OLA1: variants seen among roughly 807,000 people sequenced by gnomAD.
The protein encoded by OLA1 is obg-like ATPase 1.
OLA1 carries 14 observed loss-of-function variants against 48.4 expected under a neutral mutation model. The observed-to-expected ratio is 0.29, with a 90% confidence interval of 0.19 to 0.45. The LOEUF (loss-of-function observed/expected upper bound fraction) is 0.45. Among genes scored for constraint, OLA1 ranks in the 20% least tolerant of loss-of-function variants. OLA1 has a pLI of 1.00. For synonymous variants in OLA1, 127 were observed against 150.4 expected, an observed-to-expected ratio of 0.84 and a Z score of 1.14; for missense variants, 325 against 467.1, an observed-to-expected ratio of 0.70 and a Z score of 2.80.
At position 174,102,103 on chromosome 2, in the gene OLA1, A is replaced by C. The variant is rs183542654; in HGVS notation, c.729-20039T>G. The stretch of plus-strand genomic sequence containing the variant: ...AAGAGGAGAAACTAAGGCTAGGTTT[A>C]TAAGTCATTAGCAGAGAGCAATCCT... On this transcript the variant is annotated intron_variant, in intron 7 of 10. Transcript: ENST00000284719. 1.7e-4 allele frequency among the ~76,000 whole-genome samples: 26 copies of C among 152,314 alleles called. No individual in the cohort carries two copies. In the East Asian group the frequency reaches 5.0e-3, roughly 29 times the overall value.
chr2:174,092,165 GA>G (rs1685142390), intron 7 of OLA1, among the ~76,000 whole-genome samples: 1 of 151,148 alleles, frequency 6.6e-6, no homozygotes, highest in African/African-American at 2.4e-5. Flanking sequence ...AAGAAAAAAG[GA>G]AAGGAGAGGA....
chr2:174,168,981 C>T (rs149054375), intron 4 of OLA1, among the ~76,000 whole-genome samples: 49 of 151,766 alleles, frequency 3.2e-4, no homozygotes, highest in African/African-American at 1.1e-3. Flanking sequence ...TGTTTTGAGA[C>T]GGAGTCTCGC....
In OLA1 at chr2:174,092,064, T is replaced by G. The variant is rs1315087600; in HGVS notation, c.729-10000A>C. ...ATCACTTGAACCTGGGAGGCGGAGG[T>G]TGCAGTGAGCCAAGATCATGCCTCT... On this transcript the variant is annotated intron_variant, in intron 7 of 10. Coordinates refer to ENST00000284719, the MANE Select transcript of OLA1 (RefSeq NM_013341.5). 2.7e-5 allele frequency among the ~76,000 whole-genome samples: 4 copies of G among 146,742 alleles called. No homozygotes were observed. In the Admixed American group the frequency reaches 2.8e-4, roughly 10 times the overall value.
At chr2:174,156,578 C>CTTTTTTT (rs5836451) in intron 4 of OLA1, among the ~76,000 whole-genome samples, 8 of 74,196 alleles carry the variant, frequency 1.1e-4, no homozygotes, top group East Asian at 1.1e-3. Context: ...CTCCCACACT[C>CTTTTTTT]TTTTTTTTTT....
rs951300347 is a variant in OLA1 at position 174,074,268 on chromosome 2, G to A, written c.*1158C>T. 3.0e-4 allele frequency: 45 copies of A among 152,246 alleles called. No homozygotes were observed. Among genetic ancestry groups the A allele is most frequent in the African/African-American group, 1.0e-3 (43 of 41,434 alleles). The allele number at this position is 152,246 out of a possible 1,614,324, so 9.4% of individuals were successfully genotyped here. ...CAAAAGGGCAGAGGACAAGGACAAGGAAGGGAGGTCTCACAGGAATGGAAA... is the reference window on the plus strand; with the variant it reads ...CAAAAGGGCAGAGGACAAGGACAAGAAAGGGAGGTCTCACAGGAATGGAAA... On this transcript the variant is annotated 3_prime_UTR_variant, in exon 11 of 11. Coordinates refer to ENST00000284719, the MANE Select transcript of OLA1 (RefSeq NM_013341.5).
chr2:174,109,826 T>C (rs1197403613), intron 7 of OLA1, among the ~76,000 whole-genome samples: 1 of 152,132 alleles, frequency 6.6e-6, no homozygotes. Flanking sequence ...TTAACAAAAT[T>C]TTTATTTTGG....
At chr2:174,168,394 A>C (rs1274964789) in intron 4 of OLA1, among the ~76,000 whole-genome samples, 3 of 152,094 alleles carry the variant, frequency 2.0e-5, no homozygotes, top group Non-Finnish European at 4.4e-5. Context: ...AAACCAAAAA[A>C]AAACAAAACA....
chr2:174,111,164 AAACCAAGGGCTATAAGGCAACT>A (rs1163247263), intron 7 of OLA1, among the ~76,000 whole-genome samples: 3 of 152,220 alleles, frequency 2.0e-5, no homozygotes, highest in African/African-American at 4.8e-5. Flanking sequence ...ACAGGTGAGG[AAACCAAGGGCTATAAGGCAACT>A]AACCAAACAT....
At chr2:174,227,911 T>C (rs1382118840) in intron 3 of OLA1, among the ~76,000 whole-genome samples, 3 of 152,204 alleles carry the variant, frequency 2.0e-5, no homozygotes, top group African/African-American at 7.2e-5. Context: ...GAGTTCAGTA[T>C]ATACTTTGTA....
chr2:174,173,914 A>G (rs1367441330), intron 4 of OLA1, among the ~76,000 whole-genome samples: 1 of 151,850 alleles, frequency 6.6e-6, no homozygotes, highest in East Asian at 1.9e-4. Context: ...AAATGCTAGA[A>G]AGACAAAAAT....
chr2:174,199,891 G>C lies in OLA1; in HGVS notation c.373+23142C>G. ...TTTTCTAACCACATATCTGAGGCCA[G>C]GTTTTCTTTATATACCTCAGCCAAA... On this transcript the variant is annotated intron_variant, in intron 4 of 10. Coordinates refer to ENST00000284719, the MANE Select transcript of OLA1 (RefSeq NM_013341.5). 1.3e-5 allele frequency among the ~76,000 whole-genome samples: 2 copies of C among 151,972 alleles called. 1 individual carries two copies. Among genetic ancestry groups the C allele is most frequent in the Middle Eastern group, 6.3e-3 (2 of 316 alleles).
At chr2:174,208,586 G>T (rs1445908815) in intron 4 of OLA1, among the ~76,000 whole-genome samples, 1 of 152,136 alleles carries the variant, frequency 6.6e-6, no homozygotes, top group Non-Finnish European at 1.5e-5. Flanking sequence ...TTTACCATGT[G>T]ATGGGAGCAA....
chr2:174,235,741 G>A (rs1479373449), intron 2 of OLA1, among the ~76,000 whole-genome samples: 1 of 152,180 alleles, frequency 6.6e-6, no homozygotes, highest in African/African-American at 2.4e-5. Context: ...CAGAGAAAAC[G>A]CTCTGAAGAG....
intron 7 of OLA1, among the ~76,000 whole-genome samples, chr2:174,105,441 T>A (rs1685492297): frequency 6.6e-6 from 1 of 151,978 alleles, no homozygotes. Flanking sequence ...TGAAAACAAA[T>A]ATAGTTTTTT....
At chr2:174,171,219 G>C (rs1687293740) in intron 4 of OLA1, among the ~76,000 whole-genome samples, 2 of 151,894 alleles carry the variant, frequency 1.3e-5, no homozygotes, top group Admixed American at 1.3e-4. Flanking sequence ...TAAATTAATG[G>C]AACTAGACAA....
intron 4 of OLA1, among the ~76,000 whole-genome samples, chr2:174,199,828 T>C (rs1687953030): frequency 1.3e-5 from 2 of 152,192 alleles, no homozygotes; most frequent in Admixed American, 1.3e-4. Flanking sequence ...AAGAAGAATA[T>C]TCACAATTAT....
chr2:174,082,192 T>C, intron 7 of OLA1, 128 bp from the exon 8 acceptor site: 1 of 1,003,166 alleles, frequency 1.0e-6, no homozygotes, highest in Non-Finnish European at 1.5e-6. Flanking sequence ...TTTTTGTATA[T>C]AGCTTTCCAA....
intron 4 of OLA1, among the ~76,000 whole-genome samples, chr2:174,198,717 G>A (rs941383740): frequency 3.3e-5 from 5 of 152,158 alleles, no homozygotes; most frequent in Non-Finnish European, 4.4e-5. Context: ...GGAGGCAGAC[G>A]TTGCAGTGAG....
At chr2:174,183,160 T>C (rs1267037830) in intron 4 of OLA1, among the ~76,000 whole-genome samples, 2 of 152,096 alleles carry the variant, frequency 1.3e-5, no homozygotes, top group African/African-American at 4.8e-5. Flanking sequence ...TGCACATAAC[T>C]TACTCCCAGA....
Sources: allele counts gnomAD v4.1 joint callset (sites outside exome capture counted in the v4.1 genomes callset), GRCh38; gene constraint gnomAD v4.1.1; transcripts MANE v1.5; gene names NCBI Gene and HGNC (gene_info 2026-07-23, HGNC 2026-07-21).